The following OR56A3 variants were observed in gnomAD, a reference collection of about 807,000 sequenced individuals.
The protein encoded by OR56A3 is olfactory receptor 56A3.
In OR56A3, 23 loss-of-function variants were observed where a neutral mutation model predicts 17.5. The observed-to-expected ratio is 1.32, with a 90% CI of 0.95 to 1.87. The LOEUF (loss-of-function observed/expected upper bound fraction) is 1.87, where lower values mean the gene tolerates loss of function less well. OR56A3 is among the 40% of genes most tolerant of loss of function. The pLI is 0.00. For synonymous variants in OR56A3, 175 were observed against 150.6 expected (o/e 1.16, Z -1.19); for missense variants, 366 against 380.1 (o/e 0.96, Z 0.31).
chr11:5,976,786 G>T, the OR56A3 span, among the ~76,000 whole-genome samples: 2 of 151,772 alleles, frequency 1.3e-5, no homozygotes, highest in Non-Finnish European at 2.9e-5. Context: ...ATTTCATGTC[G>T]TAGGGGTTTG....
chr11:5,973,929 A>G, the OR56A3 span, among the ~76,000 whole-genome samples: 93,946 of 151,928 alleles, frequency 0.62, 29,599 homozygotes, highest in African/African-American at 0.73. Context: ...CAGAGGTCCT[A>G]TTGGGAAGCA....
the OR56A3 span, among the ~76,000 whole-genome samples, chr11:6,007,727 G>A: frequency 2.6e-5 from 4 of 152,150 alleles, no homozygotes; most frequent in South Asian, 2.1e-4. Context: ...GGAAGAAACT[G>A]AATCAGGCTA....
rs750930279 is a variant in OR56A3, at chr11:5,947,861, A to ATT, written c.516_517dup (p.Cys173PhefsTer40). 1.4e-5 allele frequency: 22 copies of ATT among 1,614,192 alleles called. No homozygotes were observed. The highest frequency in any genetic ancestry group is 1.9e-5 in the Non-Finnish European group (22 of 1,180,030). On this transcript the variant is annotated frameshift_variant, in exon 3 of 3. Transcript: ENST00000641160. LOFTEE classifies it high-confidence loss of function. Reference sequence around the variant, plus strand: ...CCCATCCTTTCAGCACAACTCCGTTATTGTGGAAGAAATGTCATTGAGAAC... The same window carrying ATT: ...CCCATCCTTTCAGCACAACTCCGTTATTTTGTGGAAGAAATGTCATTGAGAAC...
At chr11:6,014,108 G>A in the OR56A3 span, among the ~76,000 whole-genome samples, 3 of 152,134 alleles carry the variant, frequency 2.0e-5, no homozygotes, top group Admixed American at 2.0e-4. Flanking sequence ...GGAAAACACA[G>A]CCCACTACTG....
rs1847873455 is a variant in OR56A3 at position 5,946,938 on chromosome 11, T to G, written c.-36-373T>G. ...CTTATTGCAATAGTCAACTTGTAGA[T>G]ATGGTAGGCTATGTGTACATTAAAA... On this transcript the variant is annotated intron_variant, in intron 2 of 2. Coordinates refer to ENST00000641160, the MANE Select transcript of OR56A3 (RefSeq NM_001003443.3). 2.6e-5 allele frequency among the ~76,000 whole-genome samples: 4 copies of G among 152,340 alleles called. No individual in the cohort carries two copies. In the South Asian group the frequency reaches 8.3e-4, roughly 32 times the overall value.
chr11:5,979,988 T>C, the OR56A3 span, among the ~76,000 whole-genome samples: 1 of 152,172 alleles, frequency 6.6e-6, no homozygotes, highest in Non-Finnish European at 1.5e-5. Flanking sequence ...CATGTAATTG[T>C]ATGGTTTTGA....
chr11:5,999,434 C>T, the OR56A3 span: 1 of 152,146 alleles, frequency 6.6e-6, no homozygotes, highest in Non-Finnish European at 1.5e-5. Context: ...AATAAATTAA[C>T]ACCATTTTCA....
the OR56A3 span, chr11:5,986,828 T>C: frequency 6.2e-7 from 1 of 1,613,918 alleles, no homozygotes; most frequent in Non-Finnish European, 8.5e-7. Flanking sequence ...AAACCTGGAA[T>C]CCCTACCAGG....
downstream of OR56A3, among the ~76,000 whole-genome samples, chr11:5,955,051 G>A (rs775525137): frequency 6.6e-6 from 1 of 152,182 alleles, no homozygotes; most frequent in Non-Finnish European, 1.5e-5. Context: ...ACTGGGGAAA[G>A]AATGATTAAT....
the OR56A3 span, among the ~76,000 whole-genome samples, chr11:5,961,744 T>C: frequency 9.5e-6 from 1 of 105,258 alleles, no homozygotes; most frequent in Non-Finnish European, 1.9e-5. Context: ...GAATGATCAA[T>C]AAATACTTAA....
the OR56A3 span, among the ~76,000 whole-genome samples, chr11:5,977,110 A>T: frequency 6.6e-6 from 1 of 152,084 alleles, no homozygotes; most frequent in South Asian, 2.1e-4. Context: ...TATCCAACCC[A>T]CTGTTGATGG....
At chr11:5,999,245 C>T in the OR56A3 span, among the ~76,000 whole-genome samples, 4 of 152,088 alleles carry the variant, frequency 2.6e-5, no homozygotes, top group Non-Finnish European at 5.9e-5. Flanking sequence ...TACCTTAATG[C>T]CCCAAGGTAA....
At chr11:5,958,051 A>G in the OR56A3 span, among the ~76,000 whole-genome samples, 1 of 152,198 alleles carries the variant, frequency 6.6e-6, no homozygotes, top group Non-Finnish European at 1.5e-5. Context: ...GGAAATAGTG[A>G]TAATGACATG....
At position 5,947,233 on chromosome 11, in the gene OR56A3, G is replaced by A. The variant is rs532335906; in HGVS notation, c.-36-78G>A. 85 of 993,634 alleles carry A rather than the reference G, an allele frequency of 8.6e-5. No individual in the cohort carries two copies. The African/African-American group carries it at 1.2e-3, about 14-fold the overall frequency. 61.6% of individuals were successfully genotyped at this position (993,634 alleles called of 1,614,324 possible). ...CTACATAACCTGCTAGAAACCACAAGTTGTACCTATGACAAACAAATTGTG... is the reference window on the plus strand; with the variant it reads ...CTACATAACCTGCTAGAAACCACAAATTGTACCTATGACAAACAAATTGTG... On this transcript the variant is annotated intron_variant, in intron 2 of 2. Transcript: ENST00000641160.
chr11:5,994,428 T>G, the OR56A3 span: 1 of 731,390 alleles, frequency 1.4e-6, no homozygotes, highest in Non-Finnish European at 2.5e-6. Flanking sequence ...GCCATGATCT[T>G]GGCATGGTCC....
At chr11:5,961,792 A>C in the OR56A3 span, among the ~76,000 whole-genome samples, 1 of 151,340 alleles carries the variant, frequency 6.6e-6, no homozygotes, top group Non-Finnish European at 1.5e-5. Flanking sequence ...CATTGACTCT[A>C]TATATAACTT....
the OR56A3 span, chr11:5,986,757 C>T: frequency 6.2e-7 from 1 of 1,613,972 alleles, no homozygotes; most frequent in African/African-American, 1.3e-5. Context: ...TAACATTGCC[C>T]ACTAAAGCAA....
the OR56A3 span, among the ~76,000 whole-genome samples, chr11:6,015,392 T>G: frequency 1.3e-5 from 2 of 150,078 alleles, no homozygotes; most frequent in Admixed American, 1.3e-4. Context: ...CTCAGGCCAC[T>G]GCTTCAGAGA....
chr11:5,993,586 G>T, the OR56A3 span, among the ~76,000 whole-genome samples: 5 of 152,206 alleles, frequency 3.3e-5, no homozygotes, highest in Admixed American at 6.5e-5. Flanking sequence ...TAGGTTGGAA[G>T]ATACAAATTG....
Sources: allele counts gnomAD v4.1 joint callset (sites outside exome capture counted in the v4.1 genomes callset), GRCh38; gene constraint gnomAD v4.1.1; transcripts MANE v1.5; gene names NCBI Gene and HGNC (gene_info 2026-07-23, HGNC 2026-07-21).